Variants in MED20 observed in about 807,000 individuals in gnomAD.
The protein encoded by MED20 is mediator complex subunit 20.
A neutral mutation model predicts 19.7 loss-of-function variants in MED20; 19 were observed. That is an observed-to-expected ratio of 0.96 (90% CI 0.67 to 1.42). The LOEUF is 1.42. Among genes scored for constraint, MED20 ranks in the 40% most tolerant of loss-of-function variants. The pLI, the probability that MED20 is intolerant of heterozygous loss-of-function variation, is 0.00. For missense variants in MED20, 225 were observed against 273.0 expected (o/e 0.82, Z 1.24); for synonymous variants, 105 against 104.8 (o/e 1.00, Z -0.01).
chr6:41,912,946 A>T (rs547276312), intron 2 of MED20: 1 of 151,934 alleles, frequency 6.6e-6, no homozygotes, highest in Non-Finnish European at 1.5e-5. Context: ...TGACTCTACA[A>T]AAAAAATCAA....
At chr6:41,919,933 G>C (rs1414937639) in intron 1 of MED20, among the ~76,000 whole-genome samples, 1 of 152,128 alleles carries the variant, frequency 6.6e-6, no homozygotes, top group Non-Finnish European at 1.5e-5. Flanking sequence ...GGGCTACCAG[G>C]AGGAAAAGTA....
At chr6:41,909,652 G>T (rs1775143692) in intron 2 of MED20, 130 bp from the exon 3 acceptor site, 8 of 1,343,072 alleles carry the variant, frequency 6.0e-6, no homozygotes, top group Non-Finnish European at 7.2e-6. Flanking sequence ...TTGGTTGGGG[G>T]TGAGGGGAAT....
intron 2 of MED20, among the ~76,000 whole-genome samples, chr6:41,909,862 G>A (rs573060028): frequency 3.6e-4 from 55 of 152,270 alleles, no homozygotes; most frequent in African/African-American, 1.3e-3. Context: ...CAGACTTTAC[G>A]TATAATCTTT....
rs1163697214 is a variant in MED20, at chr6:41,906,833, G to A, written c.*239C>T. The A allele has an allele frequency of 1.4e-5, 7 of 518,346 alleles. No individual in the cohort carries two copies. Among genetic ancestry groups the A allele is most frequent in the Non-Finnish European group, 2.4e-5 (7 of 288,186 alleles). The allele number at this position is 518,346 out of a possible 1,614,324, so 32.1% of individuals were successfully genotyped here. A position where few individuals can be genotyped will look rare whatever the true frequency, so the allele number is the denominator to read the frequency against. On this transcript the variant is annotated 3_prime_UTR_variant, in exon 4 of 4. Transcript: ENST00000265350. ...TCCACTCTTCATAATTACCATTCTT[G>A]AGGACAGGCCAAATCCAGTAAGGCA...
At chr6:41,915,716 G>C (rs998748091) in intron 2 of MED20, among the ~76,000 whole-genome samples, 8 of 151,816 alleles carry the variant, frequency 5.3e-5, no homozygotes, top group African/African-American at 1.9e-4. Flanking sequence ...GAACCCTGGA[G>C]GCGGAGCTTG....
chr6:41,917,672 T>C, intron 1 of MED20: 1 of 434,974 alleles, frequency 2.3e-6, no homozygotes, highest in Non-Finnish European at 4.9e-6. Flanking sequence ...AGATTCTAGA[T>C]GACACACGGA....
At chr6:41,909,090 C>G in intron 3 of MED20, 179 bp downstream of exon 3, 1 of 763,126 alleles carries the variant, frequency 1.3e-6, no homozygotes. Context: ...GGAAGGATCA[C>G]TTGAGCCCTG....
intron 2 of MED20, among the ~76,000 whole-genome samples, chr6:41,911,232 C>G (rs1336202490): frequency 6.6e-6 from 1 of 151,010 alleles, no homozygotes; most frequent in East Asian, 2.0e-4. Flanking sequence ...CTCACTGCAA[C>G]CTCCACCTCT....
Position 41,916,861 on chromosome 6 carries a change from A to G in MED20, c.93T>C (p.Leu31=). The G allele has an allele frequency of 6.2e-7, 1 of 1,614,010 alleles. No individual in the cohort carries two copies. The highest frequency in any genetic ancestry group is 8.5e-7 in the Non-Finnish European group (1 of 1,179,990). The part of the protein sequence containing the change: ...VELLTRKLEM[L]GAEKQGTFCV... ...AAAATGTTCCTTGCTTCTCTGCCCC[A>G]AGCATCTCCAATTTCCGGGTAAGGA... Residue 31 remains leucine (L), a synonymous_variant, in exon 2 of 4, where the codon CTT becomes CTC. Coordinates refer to ENST00000265350, the MANE Select transcript of MED20 (RefSeq NM_004275.5).
At chr6:41,916,431 T>C (rs1234152583) in intron 2 of MED20, among the ~76,000 whole-genome samples, 3 of 151,676 alleles carry the variant, frequency 2.0e-5, no homozygotes, top group Admixed American at 2.0e-4. Flanking sequence ...AATACAAAAT[T>C]AGCCGGGCTT....
chr6:41,918,719 G>A (rs1180162539), intron 1 of MED20, among the ~76,000 whole-genome samples: 3 of 149,378 alleles, frequency 2.0e-5, no homozygotes, highest in South Asian at 2.2e-4. Flanking sequence ...AGGCCGAGGC[G>A]GGTGGATCAT....
Position 41,909,489 on chromosome 6 carries a change from T to C in MED20, c.203A>G (p.Asn68Ser). Reference sequence around the variant, plus strand: ...GAAACAGCTCAATGGGTACTCTGAGTTGTGCATCACATACATCAGCTTCCC... The same window carrying C: ...GAAACAGCTCAATGGGTACTCTGAGCTGTGCATCACATACATCAGCTTCCC... ...QTGKLMYVMH[N>S]SEYPLSCFAL... is the part of the protein sequence containing the mutation. The change falls in exon 3 of 4, where the codon AAC (asparagine) becomes AGC (serine). Residue 68 changes from asparagine to serine, a missense_variant. Asn to Ser is a conservative substitution (Grantham distance 46). Coordinates refer to ENST00000265350, the MANE Select transcript of MED20 (RefSeq NM_004275.5). 1 of 1,614,156 alleles carries C rather than the reference T, an allele frequency of 6.2e-7. No homozygotes were observed.
intron 2 of MED20, among the ~76,000 whole-genome samples, chr6:41,911,437 C>T (rs1239664526): frequency 1.3e-5 from 2 of 152,014 alleles, no homozygotes; most frequent in Admixed American, 6.5e-5. Flanking sequence ...AGGCATGAGC[C>T]GCCACGCCCA....
chr6:41,917,064 A>T (rs1399116427), intron 1 of MED20, 125 bp from the exon 2 acceptor site: 1 of 1,008,132 alleles, frequency 9.9e-7, no homozygotes, highest in East Asian at 2.6e-5. Context: ...ACCTACTCTG[A>T]CCGTCTCCCA....
chr6:41,911,733 C>T (rs1308626607), intron 2 of MED20, among the ~76,000 whole-genome samples: 3 of 152,156 alleles, frequency 2.0e-5, no homozygotes, highest in African/African-American at 7.2e-5. Context: ...ATACAGGCTG[C>T]TGTGCGTGAA....
intron 3 of MED20, among the ~76,000 whole-genome samples, chr6:41,908,052 CCTTTTCTCCAACT>C (rs1775101176): frequency 6.6e-6 from 1 of 152,132 alleles, no homozygotes; most frequent in Non-Finnish European, 1.5e-5. Flanking sequence ...CCACTAATGC[CCTTTTCTCCAACT>C]GGGATTCTTC....
chr6:41,918,435 C>A (rs1447588492), intron 1 of MED20, among the ~76,000 whole-genome samples: 1 of 150,662 alleles, frequency 6.6e-6, no homozygotes, highest in Non-Finnish European at 1.5e-5. Flanking sequence ...AACCAGGAGG[C>A]GGAGGTTGCA....
intron 1 of MED20, chr6:41,920,765 G>A (rs1473557236): frequency 1.1e-5 from 5 of 446,874 alleles, no homozygotes; most frequent in Admixed American, 4.4e-5. Context: ...GCGAGACCCC[G>A]TCTTAAAAAA....
intron 1 of MED20, 75 bp downstream of exon 1, chr6:41,920,930 G>A: frequency 3.2e-6 from 5 of 1,552,308 alleles, no homozygotes; most frequent in Non-Finnish European, 4.4e-6. Flanking sequence ...AGAGGACGGC[G>A]GACCATGGTC....
Sources: gnomAD v4.1 joint callset for allele counts (sites outside exome capture counted in the v4.1 genomes callset) on GRCh38, gnomAD v4.1.1 for gene constraint, MANE v1.5 for transcripts, NCBI Gene and HGNC (gene_info 2026-07-23, HGNC 2026-07-21) for gene names.